Variants in SIN3A observed in about 807,000 individuals in gnomAD.
SIN3A encodes SIN3 transcription regulator family member A, also known as paired amphipathic helix protein Sin3a.
In SIN3A, 14 loss-of-function variants were observed where a neutral mutation model predicts 146.1. The ratio of observed to expected loss-of-function variants is 0.10; its 90% CI spans 0.06 to 0.15. The LOEUF is 0.15. Among genes scored for constraint, SIN3A ranks in the 10% least tolerant of loss-of-function variants. SIN3A has a pLI of 1.00. For missense variants in SIN3A, 1,028 were observed against 1,576.0 expected (o/e 0.65, Z 5.89); for synonymous variants, 572 against 572.0 (o/e 1.00, Z 0.00).
Position 75,413,055 on chromosome 15 carries a change from A to G in SIN3A, c.474-10T>C. The G allele has an allele frequency of 1.9e-6, 3 of 1,587,088 alleles. No individual in the cohort carries two copies. In the East Asian group the frequency reaches 6.8e-5, roughly 36 times the overall value. On this transcript the variant is annotated splice_polypyrimidine_tract_variant and intron_variant, in intron 4 of 20. Transcript: ENST00000394947. ...TCCTGGGGTGTCGATGCTGATAAAA[A>G]ACAAAAAGAAAAGTGATAAACTGTA...
chr15:75,445,200 G>A (rs925642490), intron 1 of SIN3A, among the ~76,000 whole-genome samples: 1 of 151,212 alleles, frequency 6.6e-6, no homozygotes, highest in African/African-American at 2.4e-5. Flanking sequence ...GGTCAACGTG[G>A]TAAAACCCTG....
At chr15:75,404,973 C>T (rs1433999590) in intron 9 of SIN3A, among the ~76,000 whole-genome samples, 1 of 151,778 alleles carries the variant, frequency 6.6e-6, no homozygotes, top group Non-Finnish European at 1.5e-5. Context: ...TTGAGACCCC[C>T]TCTCTCCAAA....
At chr15:75,411,364 A>G in intron 6 of SIN3A, 128 bp downstream of exon 6, 1 of 1,044,020 alleles carries the variant, frequency 9.6e-7, no homozygotes, top group East Asian at 2.4e-5. Context: ...CTTTAAAAAC[A>G]TGCATGATAG....
chr15:75,450,829 C>T (rs754638456), intron 1 of SIN3A, among the ~76,000 whole-genome samples: 12 of 152,344 alleles, frequency 7.9e-5, no homozygotes, highest in Non-Finnish European at 1.2e-4. Context: ...GCGGGCTTTC[C>T]CTAGCACCTC....
At chr15:75,424,347 T>C (rs1298631804) in intron 2 of SIN3A, among the ~76,000 whole-genome samples, 1 of 152,030 alleles carries the variant, frequency 6.6e-6, no homozygotes, top group African/African-American at 2.4e-5. Context: ...GGCAGGAGAA[T>C]TGCTTGAACC....
chr15:75,414,381 C>T lies in SIN3A; in HGVS notation c.367-70G>A, dbSNP rs977869989. 3.9e-6 allele frequency: 3 copies of T among 776,656 alleles called. No homozygotes were observed. The African/African-American group carries it at 5.3e-5, about 14-fold the overall frequency. The allele number at this position is 776,656 out of a possible 1,614,324, so 48.1% of individuals were successfully genotyped here. On this transcript the variant is annotated intron_variant, in intron 3 of 20. Coordinates refer to ENST00000394947, the MANE Select transcript of SIN3A (RefSeq NM_001145358.2). ...CATAATTACAAAAAAAAAACAAAAACAAATTATTTATGCCTAAGTATGCTT... is the reference window on the plus strand; with the variant it reads ...CATAATTACAAAAAAAAAACAAAAATAAATTATTTATGCCTAAGTATGCTT...
intron 2 of SIN3A, among the ~76,000 whole-genome samples, chr15:75,428,513 A>T (rs1034373375): frequency 2.0e-5 from 3 of 151,960 alleles, no homozygotes; most frequent in African/African-American, 4.8e-5. Context: ...TAATTAATTA[A>T]TTCTTTCTTT....
At chr15:75,406,734 G>A (rs2073524268) in intron 9 of SIN3A, among the ~76,000 whole-genome samples, 1 of 152,058 alleles carries the variant, frequency 6.6e-6, no homozygotes, top group Non-Finnish European at 1.5e-5. Context: ...AATTGGTACA[G>A]GCACTGGTAC....
At chr15:75,377,494 G>A (rs772747385) in intron 19 of SIN3A, among the ~76,000 whole-genome samples, 30 of 151,832 alleles carry the variant, frequency 2.0e-4, no homozygotes, top group East Asian at 5.8e-4. Flanking sequence ...GAGTGGTGGC[G>A]CGCACCTGTA....
intron 1 of SIN3A, among the ~76,000 whole-genome samples, chr15:75,433,934 C>T (rs1385691267): frequency 6.6e-6 from 1 of 151,782 alleles, no homozygotes. Flanking sequence ...TCATCCTTCA[C>T]AACAACCTTA....
intron 8 of SIN3A, among the ~76,000 whole-genome samples, chr15:75,408,441 TCTTA>T (rs146333838): frequency 7.2e-5 from 11 of 152,310 alleles, no homozygotes; most frequent in South Asian, 4.1e-4. Flanking sequence ...ATCAGCCACC[TCTTA>T]CTATTAGAAA....
At chr15:75,380,270 C>G (rs1470730070) in intron 19 of SIN3A, among the ~76,000 whole-genome samples, 1 of 152,238 alleles carries the variant, frequency 6.6e-6, no homozygotes. Context: ...AGCTTTGCCA[C>G]AGGCACCTTT....
chr15:75,425,005 AG>A lies in SIN3A; in HGVS notation c.190-2183del, dbSNP rs565885273. On this transcript the variant is annotated intron_variant, in intron 2 of 20. Transcript: ENST00000394947. ...ATGTACTGTATATAAACTTTTAAAT[AG>A]TTTTTTAAAGCACATTACACTGGCT... 3.4e-4 allele frequency among the ~76,000 whole-genome samples: 52 copies of A among 152,324 alleles called. 1 individual carries two copies. In the South Asian group the frequency reaches 0.011, roughly 31 times the overall value.
rs139503359 is a variant in SIN3A at position 75,410,157 on chromosome 15, G to A, written c.1138C>T (p.Leu380=). 71 of 1,613,956 alleles carry A rather than the reference G, an allele frequency of 4.4e-5. No homozygotes were observed. The highest frequency in any genetic ancestry group is 3.3e-4 in the Middle Eastern group (2 of 6,084). The change falls in exon 7 of 21, where the codon CTA becomes TTA. Residue 380 remains leucine, a synonymous_variant. Transcript: ENST00000394947. The part of the protein sequence containing the change: ...EDLLSEFGQF[L]PDANSSVLLS... The stretch of plus-strand genomic sequence containing the variant: ...ACCACGGAGCTGTTGGCATCTGGTA[G>A]GAATTGTCCAAACTCTGACAACAAA...
intron 17 of SIN3A, 118 bp from the exon 18 acceptor site, chr15:75,381,823 G>C (rs541001062): frequency 2.0e-5 from 16 of 799,540 alleles, no homozygotes; most frequent in African/African-American, 7.0e-5. Flanking sequence ...CAACTGAAGA[G>C]ATGAGGAAGA....
chr15:75,375,672 G>A lies in SIN3A; in HGVS notation c.3584C>T (p.Ala1195Val). The A allele has an allele frequency of 1.9e-6, 3 of 1,613,698 alleles. No individual in the cohort carries two copies. Among genetic ancestry groups the A allele is most frequent in the Non-Finnish European group, 2.5e-6 (3 of 1,179,594 alleles). Residue 1195 changes from alanine to valine, a missense_variant, in exon 20 of 21, where the codon GCT (alanine) becomes GTT (valine). This residue lies in a region of SIN3A where 488 missense variants were observed against 690.2 expected (regional missense o/e 0.71). Coordinates refer to ENST00000394947, the MANE Select transcript of SIN3A (RefSeq NM_001145358.2). ...YMYRRTALLR[A>V]HQSHERVSKR... ...TCAGTTACTGGTTCTCACCTGATGA[G>A]CCCGGAGCAGGGCGGTCCTCCGATA...
upstream of SIN3A, among the ~76,000 whole-genome samples, chr15:75,455,284 G>A (rs2074473239): frequency 6.6e-6 from 1 of 152,140 alleles, no homozygotes; most frequent in Non-Finnish European, 1.5e-5. Flanking sequence ...CGCGAGCTCA[G>A]TGGGCCCCGC....
At chr15:75,404,498 C>T (rs752750786) in intron 9 of SIN3A, among the ~76,000 whole-genome samples, 3 of 152,154 alleles carry the variant, frequency 2.0e-5, no homozygotes, top group East Asian at 3.8e-4. Flanking sequence ...CAGTGGCTCA[C>T]GCTTGTAATC....
chr15:75,386,407 T>G (rs956089801), intron 16 of SIN3A, among the ~76,000 whole-genome samples: 4 of 152,136 alleles, frequency 2.6e-5, no homozygotes, highest in African/African-American at 9.7e-5. Flanking sequence ...CCTCCTCGAG[T>G]CTTCAGAAAA....
Sources: allele counts gnomAD v4.1 joint callset (sites outside exome capture counted in the v4.1 genomes callset), GRCh38; gene constraint gnomAD v4.1.1; regional missense constraint gnomAD v4.1.1; transcripts MANE v1.5; gene names NCBI Gene and HGNC (gene_info 2026-07-23, HGNC 2026-07-21).